Variants in CACNG7 observed in about 807,000 individuals in gnomAD.
CACNG7 encodes the protein voltage-dependent calcium channel gamma-7 subunit.
Under a neutral mutation model 26.3 loss-of-function variants are expected in CACNG7, and 9 were observed. That is an observed-to-expected ratio of 0.34 (90% CI 0.21 to 0.60). CACNG7 has a LOEUF of 0.60. CACNG7 is among the 20% of genes least tolerant of loss of function. The probability of loss-of-function intolerance (pLI) is 0.81; values close to 1 mark genes in which losing one functional copy is unlikely to be tolerated. For missense variants in CACNG7, 297 were observed against 380.4 expected (o/e 0.78, Z 1.82); for synonymous variants, 170 against 157.0 (o/e 1.08, Z -0.62).
At chr19:53,936,400 G>T (rs1317809413) in intron 4 of CACNG7, among the ~76,000 whole-genome samples, 5 of 152,176 alleles carry the variant, frequency 3.3e-5, no homozygotes, top group African/African-American at 1.2e-4. Flanking sequence ...TCTGTGGGGA[G>T]ATTCTGTCAT....
rs183224754 is a variant in CACNG7 at position 53,919,085 on chromosome 19, T to A, written c.424+3580T>A. Among the ~76,000 whole-genome samples the A allele has an allele frequency of 6.2e-3, 952 of 152,348 alleles. 7 individuals carry two copies. The highest frequency in any genetic ancestry group is 0.012 in the Admixed American group (183 of 15,304). On this transcript the variant is annotated intron_variant, in intron 4 of 5. Transcript: ENST00000391767. ...GCACGTTGCCCTTATTTTGATTTTT[T>A]AATTTTTCTCCCCTTCTGGCCAAAT...
intron 4 of CACNG7, among the ~76,000 whole-genome samples, chr19:53,924,677 A>T (rs1409120168): frequency 7.6e-6 from 1 of 130,826 alleles, no homozygotes; most frequent in East Asian, 2.4e-4. Flanking sequence ...GTATTGGTGG[A>T]GTTGCCCCAG....
intron 4 of CACNG7, among the ~76,000 whole-genome samples, chr19:53,926,745 T>G (rs965729211): frequency 1.3e-5 from 2 of 151,514 alleles, no homozygotes; most frequent in Admixed American, 6.6e-5. Context: ...AAACCCTATC[T>G]CCACTAAAAA....
At chr19:53,924,892 GC>G (rs2069011922) in intron 4 of CACNG7, among the ~76,000 whole-genome samples, 1 of 138,682 alleles carries the variant, frequency 7.2e-6, no homozygotes, top group Non-Finnish European at 1.5e-5. Context: ...TGGTGTACTT[GC>G]CCCAGGTCTG....
intron 4 of CACNG7, among the ~76,000 whole-genome samples, chr19:53,917,824 G>T (rs116124626): frequency 3.9e-5 from 6 of 152,106 alleles, no homozygotes; most frequent in Non-Finnish European, 8.8e-5. Flanking sequence ...ACAGAGGCTC[G>T]AAGAGGCGAC....
intron 2 of CACNG7, 118 bp downstream of exon 2, chr19:53,913,145 C>A: frequency 5.4e-6 from 5 of 930,146 alleles, no homozygotes; most frequent in Non-Finnish European, 7.9e-6. Flanking sequence ...TGATTCTCTC[C>A]TGGAAGTTCA....
At chr19:53,941,696 G>A in intron 5 of CACNG7, 81 bp downstream of exon 5, 2 of 1,493,062 alleles carry the variant, frequency 1.3e-6, no homozygotes, top group Non-Finnish European at 1.8e-6. Flanking sequence ...CAGGAGGAAG[G>A]AGAGGCTGGA....
rs568770728 is a variant in CACNG7 at position 53,935,263 on chromosome 19, T to C, written c.425-6207T>C. ...TCAAATTCAGGAAGTTTAAGGTCTA[T>C]AAAATACTATAGCTAATATCTAGTC... On this transcript the variant is annotated intron_variant, in intron 4 of 5. Coordinates refer to ENST00000391767, the MANE Select transcript of CACNG7 (RefSeq NM_031896.5). Among the ~76,000 whole-genome samples, 11 of 152,084 alleles carry C rather than the reference T, an allele frequency of 7.2e-5. No individual in the cohort carries two copies. The South Asian group carries it at 2.1e-3, about 29-fold the overall frequency.
In CACNG7 at chr19:53,941,549, G is replaced by A. The variant is rs764589712; in HGVS notation, c.504G>A (p.Glu168=). The part of the protein sequence containing the change: ...DEVMNRPSSS[E]QYFHYRYGWS... ...TCATGAACAGGCCCAGCAGCTCTGA[G>A]CAGTATTTTCATTATCGCTACGGGT... Residue 168 remains glutamate (E), a synonymous_variant, in exon 5 of 6, where the codon GAG becomes GAA. Transcript: ENST00000391767. The A allele has an allele frequency of 6.2e-7, 1 of 1,609,090 alleles. No individual in the cohort carries two copies. The highest frequency in any genetic ancestry group is 8.5e-7 in the Non-Finnish European group (1 of 1,178,450).
chr19:53,942,448 G>A lies in CACNG7; in HGVS notation c.*155G>A. The A allele has an allele frequency of 1.4e-6, 2 of 1,479,192 alleles. No individual in the cohort carries two copies. Among genetic ancestry groups the A allele is most frequent in the Non-Finnish European group, 1.8e-6 (2 of 1,121,696 alleles). 91.6% of individuals were successfully genotyped at this position (1,479,192 alleles called of 1,614,324 possible). On this transcript the variant is annotated 3_prime_UTR_variant, in exon 6 of 6. Coordinates refer to ENST00000391767, the MANE Select transcript of CACNG7 (RefSeq NM_031896.5). The surrounding 1 kb of genome is among the most constrained non-coding windows in gnomAD (Gnocchi z 5.9). ...GCCCCGCCCTCCTCCCAATGGCTCCGCCCACAGACTCCCTTATTTCAATGG... is the reference window on the plus strand; with the variant it reads ...GCCCCGCCCTCCTCCCAATGGCTCCACCCACAGACTCCCTTATTTCAATGG...
chr19:53,936,351 T>C (rs1183932362), intron 4 of CACNG7, among the ~76,000 whole-genome samples: 1 of 152,194 alleles, frequency 6.6e-6, no homozygotes, highest in Admixed American at 6.5e-5. Flanking sequence ...TCTTTCACCA[T>C]AAAGGAAGCT....
At chr19:53,926,779 G>C (rs957183094) in intron 4 of CACNG7, among the ~76,000 whole-genome samples, 20 of 152,084 alleles carry the variant, frequency 1.3e-4, no homozygotes, top group African/African-American at 2.4e-4. Flanking sequence ...TGGGCATGGT[G>C]GTGGGCCCCT....
At chr19:53,931,209 A>C (rs1169235568) in intron 4 of CACNG7, among the ~76,000 whole-genome samples, 1 of 152,190 alleles carries the variant, frequency 6.6e-6, no homozygotes, top group Non-Finnish European at 1.5e-5. Flanking sequence ...ATAAATAAAT[A>C]AATAGAAGAA....
At chr19:53,911,613 G>C (rs1414657106) in intron 1 of CACNG7, among the ~76,000 whole-genome samples, 4 of 152,178 alleles carry the variant, frequency 2.6e-5, no homozygotes, top group Non-Finnish European at 5.9e-5. Flanking sequence ...TCCCAGCTGA[G>C]AGTCAGAGGG....
At chr19:53,941,449 G>T in intron 4 of CACNG7, 21 bp from the exon 5 acceptor site, 2 of 1,511,894 alleles carry the variant, frequency 1.3e-6, no homozygotes, top group Non-Finnish European at 1.8e-6. Context: ...ATGGACGAGG[G>T]CACCCCCTCT....
chr19:53,931,902 C>T (rs1254081384), intron 4 of CACNG7, among the ~76,000 whole-genome samples: 2 of 150,524 alleles, frequency 1.3e-5, no homozygotes, highest in Non-Finnish European at 3.0e-5. Context: ...GCTGGGACTA[C>T]AGGCGGCCAC....
chr19:53,921,544 G>A (rs2068952352), intron 4 of CACNG7, among the ~76,000 whole-genome samples: 1 of 142,856 alleles, frequency 7.0e-6, no homozygotes, highest in Non-Finnish European at 1.5e-5. Flanking sequence ...CTGGTCATTG[G>A]TGGAGTTGCC....
chr19:53,937,063 T>G (rs1158382938), intron 4 of CACNG7, among the ~76,000 whole-genome samples: 1 of 151,798 alleles, frequency 6.6e-6, no homozygotes, highest in Non-Finnish European at 1.5e-5. Flanking sequence ...ACTAATTATT[T>G]ATTTTTAGTA....
intron 4 of CACNG7, among the ~76,000 whole-genome samples, chr19:53,931,135 G>A (rs1000398555): frequency 9.2e-5 from 14 of 152,116 alleles, no homozygotes; most frequent in Admixed American, 2.0e-4. Flanking sequence ...GGCAGAGGTC[G>A]CCATAAGCTG....
Sources: allele counts gnomAD v4.1 joint callset (sites outside exome capture counted in the v4.1 genomes callset), GRCh38; gene constraint gnomAD v4.1.1; non-coding constraint Gnocchi (gnomAD v3.1); transcripts MANE v1.5; gene names NCBI Gene and HGNC (gene_info 2026-07-23, HGNC 2026-07-21).